Variants in PCDHA2 observed in about 807,000 individuals in gnomAD.
PCDHA2 encodes protocadherin alpha-2.
A neutral mutation model predicts 66.0 loss-of-function variants in PCDHA2; 58 were observed. That is an observed-to-expected ratio of 0.88 (90% confidence interval 0.71 to 1.09). PCDHA2 has a LOEUF of 1.09. PCDHA2 is among the 50% of genes least tolerant of loss of function. The pLI is 0.00. For synonymous variants in PCDHA2, 634 were observed against 554.0 expected (o/e 1.14, Z -2.03); for missense variants, 1,267 against 1,242.3 (o/e 1.02, Z -0.30).
intron 1 of PCDHA2, chr5:140,841,071 T>TAAATTATGATAA (rs1198848273): frequency 1.2e-5 from 6 of 492,312 alleles, no homozygotes; most frequent in Non-Finnish European, 2.1e-5. Context: ...GATAAAGAAA[T>TAAATTATGATAA]AGAAAGTGCA....
intron 1 of PCDHA2, chr5:140,850,825 C>T (rs2150499781): frequency 5.0e-6 from 8 of 1,598,102 alleles, no homozygotes; most frequent in African/African-American, 2.7e-5. Context: ...CCGGGCCTTT[C>T]TCCTTGTGCT....
At chr5:140,829,288 C>T (rs1263558047) in intron 1 of PCDHA2, 3 of 1,614,248 alleles carry the variant, frequency 1.9e-6, no homozygotes, top group Non-Finnish European at 1.7e-6. Context: ...AGCTGGTGTC[C>T]ACCTTCAAGA....
intron 1 of PCDHA2, among the ~76,000 whole-genome samples, chr5:140,966,046 G>A (rs1329363755): frequency 6.6e-6 from 1 of 152,212 alleles, no homozygotes. Context: ...CCCATCGCCA[G>A]TAACCCCAGA....
At chr5:140,946,044 A>G (rs1435633416) in intron 1 of PCDHA2, among the ~76,000 whole-genome samples, 1 of 152,160 alleles carries the variant, frequency 6.6e-6, no homozygotes, top group East Asian at 1.9e-4. Flanking sequence ...TGAAGGGACA[A>G]TCCACAGAAT....
At chr5:140,819,752 C>T (rs1766615779) in intron 1 of PCDHA2, among the ~76,000 whole-genome samples, 1 of 151,974 alleles carries the variant, frequency 6.6e-6, no homozygotes, top group Admixed American at 6.5e-5. Context: ...AGTCAAGAGT[C>T]TTGTTTCCTC....
intron 1 of PCDHA2, chr5:140,836,066 C>A (rs2150251751): frequency 2.5e-6 from 4 of 1,613,652 alleles, no homozygotes; most frequent in Admixed American, 3.3e-5. Context: ...AGAACGACAA[C>A]GCGCCGGCAC....
intron 1 of PCDHA2, among the ~76,000 whole-genome samples, chr5:140,908,279 G>T (rs2073895272): frequency 6.6e-6 from 1 of 151,782 alleles, no homozygotes; most frequent in South Asian, 2.1e-4. Flanking sequence ...TGAGGCCATT[G>T]TTGCAAGCTG....
chr5:140,911,979 A>G (rs1583809781), intron 1 of PCDHA2, among the ~76,000 whole-genome samples: 2 of 152,328 alleles, frequency 1.3e-5, no homozygotes, highest in African/African-American at 4.8e-5. Flanking sequence ...AACTCACATG[A>G]TCACAAGGTC....
chr5:140,823,759 G>A (rs2150128860), intron 1 of PCDHA2: 6 of 1,613,792 alleles, frequency 3.7e-6, no homozygotes, highest in South Asian at 2.2e-5. Context: ...GACAGCCACA[G>A]CCACAGTGCT....
intron 1 of PCDHA2, chr5:140,848,457 G>A (rs1030799361): frequency 6.5e-7 from 1 of 1,527,596 alleles, no homozygotes; most frequent in African/African-American, 1.4e-5. Context: ...CTAATTTGGA[G>A]GCAATTTTCA....
intron 1 of PCDHA2, chr5:140,807,024 G>A (rs1763832295): frequency 1.2e-5 from 10 of 843,172 alleles, no homozygotes; most frequent in East Asian, 5.1e-5. Context: ...CATGAGAGAA[G>A]GAGGAAGAAG....
intron 1 of PCDHA2, among the ~76,000 whole-genome samples, chr5:140,818,311 T>C (rs1766329673): frequency 6.6e-6 from 1 of 152,236 alleles, no homozygotes; most frequent in Non-Finnish European, 1.5e-5. Context: ...ATCTTTTACT[T>C]TAGGAATTTT....
Position 140,841,790 on chromosome 5 carries a change from G to A in PCDHA2, c.2388+44438G>A, listed in dbSNP as rs2150322746. The A allele has an allele frequency of 5.6e-6, 9 of 1,613,884 alleles. No individual in the cohort carries two copies. The South Asian group carries it at 7.7e-5, about 14-fold the overall frequency. The stretch of plus-strand genomic sequence containing the variant: ...AGACTCTCGGTTTCCGCTAGAGGGC[G>A]CGTCCGATGCAGATGTTGGAGCTAA... On this transcript the variant is annotated intron_variant, in intron 1 of 3. Coordinates refer to ENST00000526136, the MANE Select transcript of PCDHA2 (RefSeq NM_018905.3).
chr5:140,945,321 A>G (rs558331825), intron 1 of PCDHA2, among the ~76,000 whole-genome samples: 1 of 152,258 alleles, frequency 6.6e-6, no homozygotes, highest in Non-Finnish European at 1.5e-5. Flanking sequence ...AAATGGAAAT[A>G]TATTTTATGT....
In PCDHA2 at chr5:140,834,566, G is replaced by T. The variant is rs149709586; in HGVS notation, c.2388+37214G>T. ...GGCTGGAGCTGGCGGAGCTGGTGCC[G>T]CGCCTGTTCCGGGCGGTGTGCAAAT... is the stretch of plus-strand genomic sequence containing the variant. On this transcript the variant is annotated intron_variant, in intron 1 of 3. Transcript: ENST00000526136. The T allele has an allele frequency of 1.5e-3, 2,437 of 1,614,096 alleles. 37 individuals carry two copies. In the African/African-American group the frequency reaches 0.029, roughly 19 times the overall value.
At position 140,797,103 on chromosome 5, in the gene PCDHA2, C is replaced by T; in HGVS notation, c.2139C>T (p.Leu713=). ...GCGCGGTATCCAGCCTGTTGGTGCT[C>T]ACGGTGCTGCTGTACACTGCGCTGC... is the stretch of plus-strand genomic sequence containing the variant. The part of the protein sequence containing the change: ...AICAVSSLLV[L]TVLLYTALRC... The change falls in exon 1 of 4, where the codon CTC becomes CTT. Residue 713 remains leucine, a synonymous_variant. Coordinates refer to ENST00000526136, the MANE Select transcript of PCDHA2 (RefSeq NM_018905.3). 2.5e-6 allele frequency: 4 copies of T among 1,614,016 alleles called. No homozygotes were observed. The highest frequency in any genetic ancestry group is 3.4e-6 in the Non-Finnish European group (4 of 1,179,968).
chr5:140,869,439 G>A (rs1554163055), intron 1 of PCDHA2: 1 of 1,614,212 alleles, frequency 6.2e-7, no homozygotes. Flanking sequence ...TCGTGGACAG[G>A]CCGCTGCAGG....
At chr5:140,924,906 T>A (rs199645977) in intron 1 of PCDHA2, among the ~76,000 whole-genome samples, 5,369 of 55,724 alleles carry the variant, frequency 0.096, 112 homozygotes, top group Non-Finnish European at 0.11. Context: ...AAAAAAAAAA[T>A]AAAATAAAAT....
In PCDHA2 at chr5:140,919,966, A is replaced by G. The variant is rs1472155046; in HGVS notation, c.2389-58983A>G. Among the ~76,000 whole-genome samples, 3 of 139,590 alleles carry G rather than the reference A, an allele frequency of 2.1e-5. No homozygotes were observed. The East Asian group carries it at 7.1e-4, about 33-fold the overall frequency. The allele number at this position is 139,590 out of a possible 152,430, so 91.6% of individuals were successfully genotyped here. On this transcript the variant is annotated intron_variant, in intron 1 of 3. Transcript: ENST00000526136. ...GTGAAAAGTTTGTTTTGTTTTTTAA[A>G]TAAGAGATAGAAGATGGAAAACAGA...
Sources: gnomAD v4.1 joint callset for allele counts (sites outside exome capture counted in the v4.1 genomes callset) on GRCh38, gnomAD v4.1.1 for gene constraint, MANE v1.5 for transcripts, NCBI Gene and HGNC (gene_info 2026-07-23, HGNC 2026-07-21) for gene names.